The following GRID2 variants were observed in gnomAD, a reference collection of about 807,000 sequenced individuals.
GRID2 encodes the protein glutamate ionotropic receptor delta type subunit 2.
GRID2 carries 33 observed loss-of-function variants against 114.8 expected under a neutral mutation model. The observed-to-expected ratio is 0.29, with a 90% CI of 0.22 to 0.38. GRID2 has a LOEUF of 0.38. GRID2 is among the 10% of genes least tolerant of loss of function. The probability of loss-of-function intolerance (pLI) is 1.00; values close to 1 mark genes in which losing one functional copy is unlikely to be tolerated. For synonymous variants in GRID2, 505 were observed against 449.9 expected (o/e 1.12, Z -1.55); for missense variants, 1,184 against 1,257.7 (o/e 0.94, Z 0.89).
intron 1 of GRID2, among the ~76,000 whole-genome samples, chr4:92,549,364 A>G (rs1431836736): frequency 6.6e-6 from 1 of 152,124 alleles, no homozygotes; most frequent in Non-Finnish European, 1.5e-5. Flanking sequence ...CCATGTCACC[A>G]TGTTGTATTC....
chr4:93,780,422 C>T (rs1345329677), intron 1 of GRID2, among the ~76,000 whole-genome samples: 1 of 152,160 alleles, frequency 6.6e-6, no homozygotes, highest in Non-Finnish European at 1.5e-5. Context: ...TAAGAGGTAA[C>T]AAATGGCTCA....
chr4:92,749,310 C>CTTTT (rs68069370), intron 2 of GRID2, among the ~76,000 whole-genome samples: 12 of 72,006 alleles, frequency 1.7e-4, no homozygotes, highest in African/African-American at 2.0e-4. Flanking sequence ...TGATTTGTAG[C>CTTTT]TTTTTTTTTT....
chr4:93,349,735 G>A (rs75996018), intron 8 of GRID2, among the ~76,000 whole-genome samples: 8,752 of 151,776 alleles, frequency 0.058, 274 homozygotes, highest in African/African-American at 0.077. Context: ...AGTGTTCCAG[G>A]GCAGGATTAT....
intron 8 of GRID2, among the ~76,000 whole-genome samples, chr4:93,269,046 T>C (rs1235939327): frequency 6.6e-6 from 1 of 152,164 alleles, no homozygotes; most frequent in Non-Finnish European, 1.5e-5. Context: ...ATATGTAATT[T>C]TGAAATACAA....
At chr4:92,815,764 A>C (rs184890208) in intron 2 of GRID2, among the ~76,000 whole-genome samples, 1 of 151,260 alleles carries the variant, frequency 6.6e-6, no homozygotes, top group Non-Finnish European at 1.5e-5. Context: ...TAAATAAATA[A>C]ATAAAAACTA....
chr4:93,323,529 G>A (rs1198476794), intron 8 of GRID2, among the ~76,000 whole-genome samples: 1 of 152,162 alleles, frequency 6.6e-6, no homozygotes, highest in East Asian at 1.9e-4. Context: ...TGGCTATGCA[G>A]GCCCTTTTTT....
intron 10 of GRID2, among the ~76,000 whole-genome samples, chr4:93,427,542 C>G (rs949863158): frequency 7.2e-5 from 11 of 151,872 alleles, no homozygotes; most frequent in African/African-American, 2.7e-4. Flanking sequence ...TATGCACGTA[C>G]CATCACATTA....
chr4:92,636,166 G>A (rs1016655985), intron 2 of GRID2, among the ~76,000 whole-genome samples: 1 of 151,958 alleles, frequency 6.6e-6, no homozygotes, highest in Non-Finnish European at 1.5e-5. Context: ...GGCCTGCCGA[G>A]TCCTGCTTGA....
intron 2 of GRID2, among the ~76,000 whole-genome samples, chr4:92,792,872 G>A (rs908708636): frequency 1.3e-5 from 2 of 149,248 alleles, no homozygotes; most frequent in Admixed American, 1.3e-4. Context: ...TTAATTCCAG[G>A]ACCAGCGACT....
intron 2 of GRID2, among the ~76,000 whole-genome samples, chr4:93,005,595 T>G (rs1433365518): frequency 2.0e-5 from 3 of 152,076 alleles, no homozygotes; most frequent in Non-Finnish European, 4.4e-5. Flanking sequence ...TAAATACTTT[T>G]ACATGAATGT....
chr4:92,703,555 G>C (rs1482903604), intron 2 of GRID2, among the ~76,000 whole-genome samples: 2 of 150,696 alleles, frequency 1.3e-5, no homozygotes, highest in East Asian at 3.9e-4. Context: ...TTTATTAGCT[G>C]TGTGATCCTG....
intron 2 of GRID2, among the ~76,000 whole-genome samples, chr4:93,050,553 T>G (rs1726608489): frequency 7.0e-6 from 1 of 142,848 alleles, no homozygotes; most frequent in Non-Finnish European, 1.5e-5. Flanking sequence ...TGTGTGTGTG[T>G]GGTGTATGTG....
intron 1 of GRID2, among the ~76,000 whole-genome samples, chr4:92,578,162 C>T (rs1727997316): frequency 6.8e-6 from 1 of 146,716 alleles, no homozygotes; most frequent in African/African-American, 2.6e-5. Flanking sequence ...TACATGTGCA[C>T]AACGTGCAGG....
intron 13 of GRID2, among the ~76,000 whole-genome samples, chr4:93,581,908 A>G (rs1737016463): frequency 6.6e-6 from 1 of 152,114 alleles, no homozygotes; most frequent in Non-Finnish European, 1.5e-5. Context: ...GTTCATTATC[A>G]TTGAAGATAG....
At chr4:92,328,427 G>A (rs1285866470) in intron 1 of GRID2, among the ~76,000 whole-genome samples, 4 of 152,002 alleles carry the variant, frequency 2.6e-5, no homozygotes, top group Non-Finnish European at 4.4e-5. Flanking sequence ...ACGGACTTGC[G>A]TTCATTAGGA....
At chr4:92,503,432 A>G (rs577766028) in intron 1 of GRID2, among the ~76,000 whole-genome samples, 2 of 152,278 alleles carry the variant, frequency 1.3e-5, no homozygotes, top group South Asian at 4.1e-4. Flanking sequence ...TTTAGTTTAC[A>G]CTATGGTTCT....
chr4:92,786,789 C>G (rs1739343300), intron 2 of GRID2, among the ~76,000 whole-genome samples: 1 of 151,740 alleles, frequency 6.6e-6, no homozygotes, highest in Admixed American at 6.6e-5. Flanking sequence ...TAAAACAGAC[C>G]ACAGTTGAAC....
At chr4:92,944,056 G>T (rs1751399859) in intron 2 of GRID2, among the ~76,000 whole-genome samples, 1 of 152,176 alleles carries the variant, frequency 6.6e-6, no homozygotes, top group Non-Finnish European at 1.5e-5. Context: ...GAGGCAATCT[G>T]TCCATTCTCA....
At chr4:92,771,809 G>A (rs1738558085) in intron 2 of GRID2, among the ~76,000 whole-genome samples, 2 of 152,282 alleles carry the variant, frequency 1.3e-5, no homozygotes, top group East Asian at 1.9e-4. Flanking sequence ...AGCTACCCAA[G>A]GGAGGTAATG....
Sources: gnomAD v4.1 joint callset for allele counts (sites outside exome capture counted in the v4.1 genomes callset) on GRCh38, gnomAD v4.1.1 for gene constraint, MANE v1.5 for transcripts, NCBI Gene and HGNC (gene_info 2026-07-23, HGNC 2026-07-21) for gene names.